The following MTUS1 variants were observed in gnomAD, a reference collection of about 807,000 sequenced individuals.
The protein encoded by MTUS1 is microtubule associated scaffold protein 1, also known as microtubule-associated tumor suppressor 1.
Under a neutral mutation model 120.8 loss-of-function variants are expected in MTUS1, and 109 were observed. That is an observed-to-expected ratio of 0.90 (90% CI 0.77 to 1.06). The LOEUF (loss-of-function observed/expected upper bound fraction) is 1.06. Among genes scored for constraint, MTUS1 ranks in the 50% least tolerant of loss-of-function variants. MTUS1 has a pLI of 0.00. For synonymous variants in MTUS1, 737 were observed against 550.5 expected (o/e 1.34, Z -4.74); for missense variants, 2,210 against 1,486.3 (o/e 1.49, Z -8.01).
chr8:17,728,581 GTAAAC>G, intron 3 of MTUS1, among the ~76,000 whole-genome samples: 1 of 152,324 alleles, frequency 6.6e-6, no homozygotes, highest in East Asian at 1.9e-4. Context: ...AGTAAAAACT[GTAAAC>G]TAAAGAAAAC....
At chr8:17,741,642 G>A (rs1586085770) in intron 3 of MTUS1, among the ~76,000 whole-genome samples, 1 of 152,184 alleles carries the variant, frequency 6.6e-6, no homozygotes, top group Non-Finnish European at 1.5e-5. Context: ...CCCGCTGGGT[G>A]GGACTGATCG....
intron 3 of MTUS1, among the ~76,000 whole-genome samples, chr8:17,742,282 GTTGTTGTTGTTTTT>G (rs2047383442): frequency 3.6e-5 from 3 of 82,266 alleles, no homozygotes; most frequent in African/African-American, 1.9e-4. Flanking sequence ...TTTTTTTTTT[GTTGTTGTTGTTTTT>G]TTTTTTTTTT....
rs946577796 is a variant in MTUS1 at position 17,788,976 on chromosome 8, G to C, written c.-155+12085C>G. 3.3e-5 allele frequency among the ~76,000 whole-genome samples: 5 copies of C among 151,676 alleles called. No individual in the cohort carries two copies. The South Asian group carries it at 1.0e-3, about 32-fold the overall frequency. On this transcript the variant is annotated intron_variant, in intron 1 of 14. Coordinates refer to ENST00000693296, the MANE Select transcript of MTUS1 (RefSeq NM_001363059.2). ...AGGGCTTATCAAAGGCACTCTCAAA[G>C]ACTGTACAGTTATGCTAAAGAAATG...
At chr8:17,681,462 G>A (rs1351316218) in intron 7 of MTUS1, 1 of 153,342 alleles carries the variant, frequency 6.5e-6, no homozygotes, top group Non-Finnish European at 1.5e-5. Context: ...CTTGCTAGCT[G>A]TCTGATAGCA....
At chr8:17,669,728 C>T (rs1473866562) in intron 8 of MTUS1, among the ~76,000 whole-genome samples, 1 of 152,052 alleles carries the variant, frequency 6.6e-6, no homozygotes, top group African/African-American at 2.4e-5. Flanking sequence ...ACCTGTATTC[C>T]CAGCTACTCG....
Position 17,655,963 on chromosome 8 carries a change from C to A in MTUS1, c.3008G>T (p.Arg1003Leu), listed in dbSNP as rs200536866. 4 of 1,614,190 alleles carry A rather than the reference C, an allele frequency of 2.5e-6. No homozygotes were observed. Among genetic ancestry groups the A allele is most frequent in the Non-Finnish European group, 3.4e-6 (4 of 1,180,026 alleles). The change falls in exon 9 of 15, where the codon CGA becomes CTA. Residue 1003 changes from arginine (R) to leucine (L), a missense_variant. Coordinates refer to ENST00000693296, the MANE Select transcript of MTUS1 (RefSeq NM_001363059.2). ...VQQHQAEKTE[R>L]ENRLKEFYTR... The stretch of plus-strand genomic sequence containing the variant: ...GTAAAACTCTTTAAGCCGATTCTCT[C>A]GTTCTGTTTTTTCAGCCTGGTGCTG...
At chr8:17,757,322 A>G (rs1310104158) in intron 1 of MTUS1, among the ~76,000 whole-genome samples, 1 of 152,222 alleles carries the variant, frequency 6.6e-6, no homozygotes, top group East Asian at 1.9e-4. Context: ...ATACTATATG[A>G]CACTATTTAC....
At chr8:17,779,380 C>G (rs1305769006) in intron 1 of MTUS1, among the ~76,000 whole-genome samples, 1 of 152,154 alleles carries the variant, frequency 6.6e-6, no homozygotes, top group African/African-American at 2.4e-5. Context: ...TCCTCCAATC[C>G]TTGTCAATAT....
At chr8:17,696,874 C>G (rs1199955049) in intron 6 of MTUS1, among the ~76,000 whole-genome samples, 1 of 152,118 alleles carries the variant, frequency 6.6e-6, no homozygotes, top group Non-Finnish European at 1.5e-5. Flanking sequence ...ACGATGGGAA[C>G]CTTCTCATCT....
chr8:17,756,039 G>A (rs1482047744), intron 1 of MTUS1, 78 bp from the exon 2 acceptor site: 2 of 824,140 alleles, frequency 2.4e-6, no homozygotes, highest in Non-Finnish European at 3.4e-6. Context: ...ATCACTAAGT[G>A]ATTAGTTTCA....
rs905060283 is a variant in MTUS1 at position 17,769,583 on chromosome 8, G to A, written c.-154-13622C>T. Among the ~76,000 whole-genome samples, 10 of 151,880 alleles carry A rather than the reference G, an allele frequency of 6.6e-5. No homozygotes were observed. In the East Asian group the frequency reaches 1.2e-3, roughly 18 times the overall value. ...AGGATGGTCTCGATCTCCTGACCTC[G>A]TGATCCACCCGCCTCGGCCTCCCAA... On this transcript the variant is annotated intron_variant, in intron 1 of 14. Coordinates refer to ENST00000693296, the MANE Select transcript of MTUS1 (RefSeq NM_001363059.2).
At chr8:17,743,110 G>T (rs749276916) in intron 3 of MTUS1, among the ~76,000 whole-genome samples, 1 of 151,924 alleles carries the variant, frequency 6.6e-6, no homozygotes, top group Non-Finnish European at 1.5e-5. Flanking sequence ...ATTACAAATT[G>T]TAAGATACAA....
intron 12 of MTUS1, among the ~76,000 whole-genome samples, chr8:17,651,976 G>A (rs1459112208): frequency 6.6e-6 from 1 of 152,224 alleles, no homozygotes; most frequent in East Asian, 1.9e-4. Context: ...TTGAATATAA[G>A]CTCATCTAAT....
chr8:17,737,410 G>C (rs1400159593), intron 3 of MTUS1, among the ~76,000 whole-genome samples: 2 of 152,230 alleles, frequency 1.3e-5, no homozygotes, highest in African/African-American at 4.8e-5. Context: ...TATGAAAAGA[G>C]ATCCTGATAC....
intron 4 of MTUS1, among the ~76,000 whole-genome samples, chr8:17,720,969 T>C (rs112320074): frequency 0.081 from 12,379 of 152,264 alleles, 739 homozygotes; most frequent in Non-Finnish European, 0.12. Context: ...GCCTTACGTA[T>C]TTTGATTTGG....
intron 1 of MTUS1, among the ~76,000 whole-genome samples, chr8:17,792,978 A>T (rs1234178997): frequency 6.6e-6 from 1 of 152,262 alleles, no homozygotes; most frequent in East Asian, 1.9e-4. Flanking sequence ...AGTTTTACAT[A>T]AATGCAAAAC....
At chr8:17,669,921 G>A (rs1254779815) in intron 8 of MTUS1, among the ~76,000 whole-genome samples, 1 of 152,222 alleles carries the variant, frequency 6.6e-6, no homozygotes, top group Admixed American at 6.5e-5. Flanking sequence ...GGCCGCAAGT[G>A]GAGTTGGGGG....
At chr8:17,727,316 C>T (rs2046288791) in intron 3 of MTUS1, among the ~76,000 whole-genome samples, 1 of 152,190 alleles carries the variant, frequency 6.6e-6, no homozygotes, top group Non-Finnish European at 1.5e-5. Flanking sequence ...GGGTCACATA[C>T]CCGGCCAGTG....
At chr8:17,719,182 A>G (rs1337202344) in intron 4 of MTUS1, among the ~76,000 whole-genome samples, 1 of 152,118 alleles carries the variant, frequency 6.6e-6, no homozygotes, top group Non-Finnish European at 1.5e-5. Flanking sequence ...AAAAAAAGAA[A>G]AGGGCTTCTC....
Sources: gnomAD v4.1 joint callset for allele counts (sites outside exome capture counted in the v4.1 genomes callset) on GRCh38, gnomAD v4.1.1 for gene constraint, MANE v1.5 for transcripts, NCBI Gene and HGNC (gene_info 2026-07-23, HGNC 2026-07-21) for gene names.